The following AP3B1 variants were observed in gnomAD, a reference collection of about 807,000 sequenced individuals.
The protein encoded by AP3B1 is AP-3 complex subunit beta-1.
A neutral mutation model predicts 132.5 loss-of-function variants in AP3B1; 61 were observed. The ratio of observed to expected loss-of-function variants is 0.46; its 90% CI spans 0.37 to 0.57. AP3B1 has a LOEUF of 0.57. Among genes scored for constraint, AP3B1 ranks in the 20% least tolerant of loss-of-function variants. AP3B1 has a pLI of 0.00. For synonymous variants in AP3B1, 388 were observed against 438.3 expected, an observed-to-expected ratio of 0.89 and a Z score of 1.43; for missense variants, 1,120 against 1,289.4, an observed-to-expected ratio of 0.87 and a Z score of 2.01.
In AP3B1 at chr5:78,166,117, TCA is replaced by T. The variant is rs70997970; in HGVS notation, c.1168-447_1168-446del. Among the ~76,000 whole-genome samples, 549 of 135,880 alleles carry T rather than the reference TCA, an allele frequency of 4.0e-3. 3 individuals are homozygous for T. Among genetic ancestry groups the T allele is most frequent in the Middle Eastern group, 0.017 (5 of 286 alleles). The allele number at this position is 135,880 out of a possible 152,430, so 89.1% of individuals were successfully genotyped here. ...CCTGGGAAACAAGACTGAAACTCTG[TCA>T]CACACACACACACACACACACACAC... is the stretch of plus-strand genomic sequence containing the variant. On this transcript the variant is annotated intron_variant, in intron 11 of 26. Transcript: ENST00000255194.
chr5:78,116,548 T>C (rs1191476442), intron 17 of AP3B1, among the ~76,000 whole-genome samples: 2 of 150,012 alleles, frequency 1.3e-5, no homozygotes, highest in Non-Finnish European at 3.0e-5. Context: ...TGAGCGAAAC[T>C]AGAAGCAGAT....
chr5:78,085,428 C>A (rs1430175773), intron 22 of AP3B1, among the ~76,000 whole-genome samples: 1 of 152,080 alleles, frequency 6.6e-6, no homozygotes, highest in African/African-American at 2.4e-5. Context: ...GTACACATAT[C>A]TTAAGTGCAA....
intron 7 of AP3B1, among the ~76,000 whole-genome samples, chr5:78,214,461 A>G (rs1226187064): frequency 2.0e-5 from 3 of 152,210 alleles, no homozygotes; most frequent in South Asian, 2.1e-4. Flanking sequence ...TAAGTACACT[A>G]TATATTTTAA....
chr5:78,162,881 T>C lies in AP3B1; in HGVS notation c.1301A>G (p.Asn434Ser). Reference sequence around the variant, plus strand: ...GCACGTGTCAGTGACTTCCAAGATGTTGGTTGCACATCTGCCTATAGTCTG... The same window carrying C: ...GCACGTGTCAGTGACTTCCAAGATGCTGGTTGCACATCTGCCTATAGTCTG... ...TIQTIGRCAT[N>S]ILEVTDTCLN... Residue 434 changes from asparagine to serine, a missense_variant, in exon 13 of 27, where the codon AAC (asparagine) becomes AGC (serine). By Grantham distance (46) the Asn-to-Ser change is conservative. Coordinates refer to ENST00000255194, the MANE Select transcript of AP3B1 (RefSeq NM_003664.5). 3 of 1,613,970 alleles carry C rather than the reference T, an allele frequency of 1.9e-6. No individual in the cohort carries two copies. The highest frequency in any genetic ancestry group is 1.7e-6 in the Non-Finnish European group (2 of 1,179,854).
chr5:78,179,311 G>GTA (rs1364064332), intron 8 of AP3B1, among the ~76,000 whole-genome samples: 2 of 152,136 alleles, frequency 1.3e-5, no homozygotes, highest in East Asian at 3.8e-4. Flanking sequence ...AAAGCAAACT[G>GTA]TACTTCCTAT....
chr5:78,008,559 A>G (rs1371163938), intron 26 of AP3B1, among the ~76,000 whole-genome samples: 2 of 152,198 alleles, frequency 1.3e-5, no homozygotes, highest in African/African-American at 2.4e-5. Context: ...GCTGTCCTCT[A>G]GTGGACAGCC....
chr5:78,128,282 T>G, intron 16 of AP3B1, 122 bp from the exon 17 acceptor site: 4 of 859,474 alleles, frequency 4.7e-6, no homozygotes, highest in Non-Finnish European at 7.1e-6. Flanking sequence ...AAATATAGAC[T>G]AGGAAGCTCT....
rs565345742 is a variant in AP3B1 at position 78,124,760 on chromosome 5, T to C, written c.1968+3270A>G. 5.3e-5 allele frequency among the ~76,000 whole-genome samples: 8 copies of C among 152,308 alleles called. No individual in the cohort carries two copies. In the South Asian group the frequency reaches 8.3e-4, roughly 16 times the overall value. Reference sequence around the variant, plus strand: ...AGATAGTATTCTATAAACAAAGCTCTCTTATATTTGGTAAACTCTGAAGTC... The same window carrying C: ...AGATAGTATTCTATAAACAAAGCTCCCTTATATTTGGTAAACTCTGAAGTC... On this transcript the variant is annotated intron_variant, in intron 17 of 26. Coordinates refer to ENST00000255194, the MANE Select transcript of AP3B1 (RefSeq NM_003664.5).
chr5:78,128,021 TC>T lies in AP3B1; in HGVS notation c.1968+8del, dbSNP rs2112298486. ...TTTGGCAAAATTAATTTCAGAAAGGTCAACTTACCAACTCTATTACTTCTAC... is the reference window on the plus strand; with the variant it reads ...TTTGGCAAAATTAATTTCAGAAAGGTAACTTACCAACTCTATTACTTCTAC... On this transcript the variant is annotated splice_region_variant and intron_variant, in intron 17 of 26. Coordinates refer to ENST00000255194, the MANE Select transcript of AP3B1 (RefSeq NM_003664.5). 6.2e-7 allele frequency: 1 copy of T among 1,612,176 alleles called. No homozygotes were observed. Among genetic ancestry groups the T allele is most frequent in the Middle Eastern group, 1.7e-4 (1 of 6,050 alleles).
chr5:78,168,319 G>A (rs1419708969), intron 11 of AP3B1, among the ~76,000 whole-genome samples: 1 of 151,292 alleles, frequency 6.6e-6, no homozygotes, highest in African/African-American at 2.4e-5. Flanking sequence ...AACCTCTGGG[G>A]CTCAAACAAT....
At chr5:78,222,135 A>AAG (rs1205363657) in intron 6 of AP3B1, 2 of 152,252 alleles carry the variant, frequency 1.3e-5, no homozygotes, top group South Asian at 4.2e-4. Context: ...TAAAAAAAAA[A>AAG]AGAGAGAGAG....
At chr5:78,044,220 G>A (rs1748221747) in intron 22 of AP3B1, 1 of 181,672 alleles carries the variant, frequency 5.5e-6, no homozygotes, top group Non-Finnish European at 1.1e-5. Context: ...GCTGTACTGG[G>A]ATGACTCCAG....
At chr5:78,167,540 C>A (rs1056027593) in intron 11 of AP3B1, among the ~76,000 whole-genome samples, 50 of 152,132 alleles carry the variant, frequency 3.3e-4, no homozygotes, top group African/African-American at 1.1e-3. Flanking sequence ...CTTGCACACA[C>A]GTTTATAGCA....
chr5:78,036,061 C>T (rs1302969210), intron 23 of AP3B1, among the ~76,000 whole-genome samples: 1 of 152,102 alleles, frequency 6.6e-6, no homozygotes, highest in African/African-American at 2.4e-5. Flanking sequence ...TTAGATCTCC[C>T]TTCATCATGT....
chr5:78,202,447 T>C (rs779654307), intron 7 of AP3B1, among the ~76,000 whole-genome samples: 3 of 151,974 alleles, frequency 2.0e-5, no homozygotes, highest in Non-Finnish European at 4.4e-5. Context: ...TGCAGGAAAG[T>C]GACACTAAGA....
intron 17 of AP3B1, among the ~76,000 whole-genome samples, chr5:78,123,227 C>T (rs1041096066): frequency 6.6e-6 from 1 of 152,162 alleles, no homozygotes; most frequent in African/African-American, 2.4e-5. Flanking sequence ...AATGTTAGAT[C>T]TAAAACCATA....
intron 4 of AP3B1, 109 bp from the exon 5 acceptor site, chr5:78,227,641 A>G: frequency 1.0e-6 from 1 of 1,001,942 alleles, no homozygotes; most frequent in Non-Finnish European, 1.5e-6. Context: ...GACAATAGCA[A>G]AAGAAAGCTA....
chr5:78,084,877 T>C (rs1750172512), intron 22 of AP3B1, among the ~76,000 whole-genome samples: 1 of 152,084 alleles, frequency 6.6e-6, no homozygotes, highest in Non-Finnish European at 1.5e-5. Context: ...ATATATAACA[T>C]TTTGTATCCT....
intron 22 of AP3B1, among the ~76,000 whole-genome samples, chr5:78,048,356 A>G (rs1236639870): frequency 6.6e-6 from 1 of 152,156 alleles, no homozygotes; most frequent in African/African-American, 2.4e-5. Context: ...TTTACCCTAT[A>G]GTGGTTATGT....
Sources: gnomAD v4.1 joint callset for allele counts (sites outside exome capture counted in the v4.1 genomes callset) on GRCh38, gnomAD v4.1.1 for gene constraint, MANE v1.5 for transcripts, NCBI Gene and HGNC (gene_info 2026-07-23, HGNC 2026-07-21) for gene names.